VPS53: variants seen among roughly 807,000 people sequenced by gnomAD.
The protein encoded by VPS53 is VPS53 subunit of GARP complex, also known as vacuolar protein sorting-associated protein 53 homolog.
VPS53 carries 70 observed loss-of-function variants against 107.0 expected under a neutral mutation model. The observed-to-expected ratio is 0.65, with a 90% CI of 0.54 to 0.80. The LOEUF (loss-of-function observed/expected upper bound fraction) is 0.80, where lower values mean the gene tolerates loss of function less well. Ranked by LOEUF, VPS53 falls within the 30% of genes least tolerant of loss-of-function variation. VPS53 has a pLI of 0.00. For synonymous variants in VPS53, 409 were observed against 393.3 expected (o/e 1.04, Z -0.47); for missense variants, 917 against 1,049.4 (o/e 0.87, Z 1.74).
chr17:571,781 G>A (rs1258658148), intron 13 of VPS53, among the ~76,000 whole-genome samples: 1 of 152,252 alleles, frequency 6.6e-6, no homozygotes, highest in Non-Finnish European at 1.5e-5. Flanking sequence ...CTAACCGCGA[G>A]TGATCCGCCA....
At chr17:628,259 A>G in intron 8 of VPS53, 28 bp from the exon 9 acceptor site, 1 of 1,610,414 alleles carries the variant, frequency 6.2e-7, no homozygotes, top group Non-Finnish European at 8.5e-7. Flanking sequence ...TACCAGGTGA[A>G]AAGCCAGAAA....
intron 5 of VPS53, chr17:657,515 C>T: frequency 1.3e-6 from 2 of 1,489,478 alleles, no homozygotes; most frequent in Non-Finnish European, 1.9e-6. Flanking sequence ...GAGCTGCTAC[C>T]CGCTTCAGAT....
At chr17:675,918 G>A (rs1297124449) in intron 4 of VPS53, among the ~76,000 whole-genome samples, 3 of 151,922 alleles carry the variant, frequency 2.0e-5, no homozygotes, top group Non-Finnish European at 2.9e-5. Context: ...ACCTAGAAAC[G>A]AACACAGCAT....
intron 7 of VPS53, among the ~76,000 whole-genome samples, chr17:642,979 G>T (rs1970498595): frequency 8.4e-6 from 1 of 118,624 alleles, no homozygotes; most frequent in South Asian, 3.2e-4. Context: ...GGAAAGCGAG[G>T]ACAACACTCA....
At chr17:683,653 A>G (rs1243474584) in intron 4 of VPS53, among the ~76,000 whole-genome samples, 1 of 152,232 alleles carries the variant, frequency 6.6e-6, no homozygotes, top group Non-Finnish European at 1.5e-5. Context: ...TATGTATCCT[A>G]TAACATGTTA....
chr17:558,292 C>T (rs1266248766), intron 15 of VPS53, among the ~76,000 whole-genome samples: 1 of 152,152 alleles, frequency 6.6e-6, no homozygotes, highest in Non-Finnish European at 1.5e-5. Flanking sequence ...ACAGTGAAAC[C>T]CCGTCTCTAC....
Position 551,999 on chromosome 17 carries a change from C to A in VPS53, c.1788-49G>T, listed in dbSNP as rs1162130761. The A allele has an allele frequency of 2.0e-6, 3 of 1,489,806 alleles. No individual in the cohort carries two copies. The Admixed American group carries it at 6.0e-5, about 30-fold the overall frequency. 92.3% of individuals were successfully genotyped at this position (1,489,806 alleles called of 1,614,324 possible). A position where few individuals can be genotyped will look rare whatever the true frequency, so the allele number is the denominator to read the frequency against. ...GGTCACCCTTTCAAACAACGGCCGT[C>A]TGAATGACTGACACTCAGGCCCCTG... is the stretch of plus-strand genomic sequence containing the variant. On this transcript the variant is annotated intron_variant, in intron 16 of 21. Transcript: ENST00000437048.
intron 11 of VPS53, among the ~76,000 whole-genome samples, chr17:613,525 TAGTG>T (rs1389948885): frequency 3.4e-5 from 5 of 145,962 alleles, no homozygotes; most frequent in South Asian, 4.4e-4. Context: ...AATATTCACA[TAGTG>T]AGTTCACACA....
chr17:697,572 TCAA>T (rs1295945760), intron 3 of VPS53, 88 bp from the exon 4 acceptor site: 1 of 1,119,538 alleles, frequency 8.9e-7, no homozygotes, highest in Non-Finnish European at 1.3e-6. Flanking sequence ...AATTTATTCA[TCAA>T]CTTCTGCAGA....
intron 13 of VPS53, among the ~76,000 whole-genome samples, chr17:565,349 G>C (rs1428475377): frequency 7.1e-6 from 1 of 140,670 alleles, no homozygotes. Context: ...GTTGCAGTGA[G>C]CCGAGATCGT....
At chr17:677,955 G>A (rs1201302384) in intron 4 of VPS53, among the ~76,000 whole-genome samples, 13 of 151,602 alleles carry the variant, frequency 8.6e-5, no homozygotes, top group Admixed American at 3.9e-4. Flanking sequence ...CGGATTCCAC[G>A]AGAAATACAA....
rs977941166 is a variant in VPS53 at position 524,603 on chromosome 17, T to A, written c.2086-2865A>T. 1.6e-4 allele frequency among the ~76,000 whole-genome samples: 25 copies of A among 152,234 alleles called. No individual in the cohort carries two copies. Among genetic ancestry groups the A allele is most frequent in the African/African-American group, 5.8e-4 (24 of 41,454 alleles). On this transcript the variant is annotated intron_variant, in intron 19 of 21. Coordinates refer to ENST00000437048, the MANE Select transcript of VPS53 (RefSeq NM_001128159.3). This position sits in a 1 kb window ranked among gnomAD's most constrained non-coding sequence, Gnocchi z 4.5. Reference sequence around the variant, plus strand: ...GGATTCACAAAAGAGGAAACTCAAATGCCCGAAAGGCATATGAAATGACAC... The same window carrying A: ...GGATTCACAAAAGAGGAAACTCAAAAGCCCGAAAGGCATATGAAATGACAC...
intron 11 of VPS53, among the ~76,000 whole-genome samples, chr17:616,928 G>A (rs1969163489): frequency 6.6e-6 from 1 of 152,222 alleles, no homozygotes; most frequent in South Asian, 2.1e-4. Flanking sequence ...AGATGCAACA[G>A]GGCCATTTGT....
At chr17:609,244 C>G (rs1427485545) in intron 11 of VPS53, among the ~76,000 whole-genome samples, 1 of 152,164 alleles carries the variant, frequency 6.6e-6, no homozygotes, top group Non-Finnish European at 1.5e-5. Context: ...TAGATGGAAT[C>G]ATATAATGTG....
At chr17:648,725 G>A (rs926813226) in intron 7 of VPS53, among the ~76,000 whole-genome samples, 1 of 150,514 alleles carries the variant, frequency 6.6e-6, no homozygotes, top group African/African-American at 2.4e-5. Flanking sequence ...AATGGAACAG[G>A]CACTGAAGAT....
chr17:714,161 T>C (rs16954742), intron 1 of VPS53: 2,452 of 159,652 alleles, frequency 0.015, 25 homozygotes, highest in Middle Eastern at 0.028. Context: ...ATGGTAACGA[T>C]GTCATTTTTC....
At chr17:643,190 A>T in intron 7 of VPS53, among the ~76,000 whole-genome samples, 1 of 62,892 alleles carries the variant, frequency 1.6e-5, no homozygotes, top group Non-Finnish European at 3.6e-5. Context: ...AAGCGAGGAC[A>T]ACACTCATAC....
At chr17:606,506 T>A (rs1208536028) in intron 11 of VPS53, among the ~76,000 whole-genome samples, 4 of 152,144 alleles carry the variant, frequency 2.6e-5, no homozygotes, top group South Asian at 4.1e-4. Flanking sequence ...TGCGTGCGTG[T>A]CAGGCGTGAG....
intron 15 of VPS53, among the ~76,000 whole-genome samples, chr17:559,336 C>T (rs576036277): frequency 1.9e-3 from 295 of 152,088 alleles, no homozygotes; most frequent in Non-Finnish European, 3.6e-3. Flanking sequence ...TTACATGTAT[C>T]GTATTTCTTT....
Sources: gnomAD v4.1 joint callset for allele counts (sites outside exome capture counted in the v4.1 genomes callset) on GRCh38, gnomAD v4.1.1 for gene constraint, Gnocchi (gnomAD v3.1) non-coding constraint, MANE v1.5 for transcripts, NCBI Gene and HGNC (gene_info 2026-07-23, HGNC 2026-07-21) for gene names.